Variants in MKNK1 observed in about 807,000 individuals in gnomAD.
MKNK1 encodes MAPK interacting serine/threonine kinase 1, also known as MAP kinase-interacting serine/threonine-protein kinase 1.
MKNK1 carries 30 observed loss-of-function variants against 49.3 expected under a neutral mutation model. The ratio of observed to expected loss-of-function variants is 0.61; its 90% CI spans 0.46 to 0.83. MKNK1 has a LOEUF of 0.83. Ranked by LOEUF, MKNK1 falls within the 40% of genes least tolerant of loss-of-function variation. The probability of loss-of-function intolerance (pLI) is 0.00; values close to 1 mark genes in which losing one functional copy is unlikely to be tolerated. For synonymous variants in MKNK1, 176 were observed against 201.7 expected, an observed-to-expected ratio of 0.87 and a Z score of 1.08; for missense variants, 423 against 524.7, an observed-to-expected ratio of 0.81 and a Z score of 1.89.
At chr1:46,567,892 A>T (rs1669353945) in intron 8 of MKNK1, among the ~76,000 whole-genome samples, 1 of 152,224 alleles carries the variant, frequency 6.6e-6, no homozygotes, top group Admixed American at 6.5e-5. Flanking sequence ...AAGCCAAGGC[A>T]GGTGGACTGC....
Position 46,568,441 on chromosome 1 carries a change from AC to A in MKNK1, c.513+1del, listed in dbSNP as rs765064603. 2.4e-5 allele frequency: 39 copies of A among 1,613,794 alleles called. No individual in the cohort carries two copies. Among genetic ancestry groups the A allele is most frequent in the Admixed American group, 1.0e-4 (6 of 59,992 alleles). On this transcript the variant is annotated splice_donor_variant, in intron 8 of 12. Coordinates refer to ENST00000371945, the MANE Select transcript of MKNK1 (RefSeq NM_001135553.4). LOFTEE classifies it high-confidence loss of function. ...TAACATTCCAAATCAGGCCCAAAGT[AC>A]CTTTTCTGGAGATTCACACAATATA...
chr1:46,580,730 G>A (rs1467219111), intron 3 of MKNK1, 103 bp from the exon 4 acceptor site: 3 of 753,520 alleles, frequency 4.0e-6, no homozygotes, highest in African/African-American at 3.4e-5. Context: ...AGACGACACA[G>A]GCACCCAATG....
intron 12 of MKNK1, 27 bp downstream of exon 12, chr1:46,560,197 AGGAAGAGCAT>A: frequency 6.2e-7 from 1 of 1,611,950 alleles, no homozygotes; most frequent in Non-Finnish European, 8.5e-7. Flanking sequence ...TGAGAGCTTG[AGGAAGAGCAT>A]GGCGTGGGGG....
intron 1 of MKNK1, among the ~76,000 whole-genome samples, chr1:46,597,569 A>G (rs1452288036): frequency 6.6e-6 from 1 of 152,226 alleles, no homozygotes; most frequent in Admixed American, 6.5e-5. Flanking sequence ...CTTAACCTGC[A>G]GTCTCGTCAA....
At chr1:46,582,857 T>C (rs1318694115) in intron 3 of MKNK1, 1 of 476,908 alleles carries the variant, frequency 2.1e-6, no homozygotes. Context: ...TTGGTGTTTC[T>C]CTCTTCCTCT....
intron 9 of MKNK1, 48 bp from the exon 10 acceptor site, chr1:46,562,891 G>C (rs1352412845): frequency 2.0e-6 from 3 of 1,486,518 alleles, no homozygotes; most frequent in Non-Finnish European, 2.7e-6. Flanking sequence ...AGAACAGAGA[G>C]GCTTAGTTAC....
intron 8 of MKNK1, among the ~76,000 whole-genome samples, chr1:46,565,867 C>T (rs1345562578): frequency 2.0e-5 from 3 of 152,172 alleles, no homozygotes; most frequent in Admixed American, 6.5e-5. Flanking sequence ...ATGTCCTTGC[C>T]GGGAAGCCTG....
At chr1:46,586,879 C>T (rs1016226885) in intron 2 of MKNK1, among the ~76,000 whole-genome samples, 10 of 152,212 alleles carry the variant, frequency 6.6e-5, no homozygotes, top group African/African-American at 2.4e-4. Flanking sequence ...TGGAGTGCAG[C>T]TCAGTACAAC....
At chr1:46,600,805 A>C (rs1460232002) in intron 1 of MKNK1, among the ~76,000 whole-genome samples, 1 of 152,280 alleles carries the variant, frequency 6.6e-6, no homozygotes, top group African/African-American at 2.4e-5. Flanking sequence ...TCTGGAACAC[A>C]GCAAGTGTGC....
At chr1:46,586,447 CGAGGGCACT>C (rs140477015) in intron 2 of MKNK1, among the ~76,000 whole-genome samples, 561 of 152,268 alleles carry the variant, frequency 3.7e-3, no homozygotes, top group Admixed American at 6.3e-3. Context: ...AGAAGCTCCA[CGAGGGCACT>C]GATTTTATTT....
At chr1:46,560,996 C>T (rs1021428766) in intron 11 of MKNK1, among the ~76,000 whole-genome samples, 3 of 152,322 alleles carry the variant, frequency 2.0e-5, no homozygotes, top group African/African-American at 7.2e-5. Context: ...CTAGTGAAGA[C>T]ATGAATTCTA....
In MKNK1 at chr1:46,585,700, A is replaced by G. The variant is rs1672458744; in HGVS notation, c.-2-2371T>C. On this transcript the variant is annotated intron_variant, in intron 2 of 12. Transcript: ENST00000371945. Reference sequence around the variant, plus strand: ...GAGGGCTGGAGGCATTATAATTCACAGGGGACACTCAGGCACACGACTCTA... The same window carrying G: ...GAGGGCTGGAGGCATTATAATTCACGGGGGACACTCAGGCACACGACTCTA... 39 of 447,814 alleles carry G rather than the reference A, an allele frequency of 8.7e-5. 1 individual carries two copies. The highest frequency in any genetic ancestry group is 6.5e-4 in the South Asian group (39 of 60,028). The allele number at this position is 447,814 out of a possible 1,614,324, so 27.7% of individuals were successfully genotyped here.
chr1:46,560,271 G>C lies in MKNK1; in HGVS notation c.976C>G (p.Pro326Ala). 6.2e-7 allele frequency: 1 copy of C among 1,614,132 alleles called. No homozygotes were observed. The highest frequency in any genetic ancestry group is 8.5e-7 in the Non-Finnish European group (1 of 1,179,994). ...TGCGGCGTGGGGAGTCCCTTTTCTGGAGCTTGCTAGAATGGGAAGGACAGA... is the reference window on the plus strand; with the variant it reads ...TGCGGCGTGGGGAGTCCCTTTTCTGCAGCTTGCTAGAATGGGAAGGACAGA... ...LQHPWVQGQA[P>A]EKGLPTPQVL... The change falls in exon 12 of 13, where the codon CCA becomes GCA. Residue 326 changes from proline (P) to alanine (A), a missense_variant. Transcript: ENST00000371945.
chr1:46,603,898 C>G (rs1478703371), intron 1 of MKNK1, among the ~76,000 whole-genome samples: 1 of 152,254 alleles, frequency 6.6e-6, no homozygotes, highest in Non-Finnish European at 1.5e-5. Flanking sequence ...GCCCTGCGCC[C>G]AGCCATAGCC....
At chr1:46,602,219 C>T (rs1438499022) in intron 1 of MKNK1, among the ~76,000 whole-genome samples, 1 of 152,228 alleles carries the variant, frequency 6.6e-6, no homozygotes, top group Non-Finnish European at 1.5e-5. Flanking sequence ...TGAATCCAGC[C>T]TGGCCAACAT....
intron 6 of MKNK1, chr1:46,573,858 T>TGAG (rs1670571827): frequency 6.6e-6 from 1 of 152,108 alleles, no homozygotes; most frequent in South Asian, 2.1e-4. Flanking sequence ...CTCAGCCTCC[T>TGAG]GAGTAGCTGG....
intron 10 of MKNK1, among the ~76,000 whole-genome samples, chr1:46,562,281 G>A (rs1668136363): frequency 6.6e-6 from 1 of 150,964 alleles, no homozygotes; most frequent in South Asian, 2.1e-4. Flanking sequence ...TGTAGTCCCA[G>A]CTACTTGGGA....
At position 46,589,676 on chromosome 1, in the gene MKNK1, CAT is replaced by C. The variant is rs1452094821; in HGVS notation, c.-3+4435_-3+4436del. Among the ~76,000 whole-genome samples, 2 of 152,086 alleles carry C rather than the reference CAT, an allele frequency of 1.3e-5. No individual in the cohort carries two copies. Among genetic ancestry groups the C allele is most frequent in the Non-Finnish European group, 2.9e-5 (2 of 68,020 alleles). ...CTGCAGGGGAGATTTACAGAGAACT[CAT>C]AGAGCAGATGAGGAAGGGTTATGGA... On this transcript the variant is annotated intron_variant, in intron 2 of 12. Coordinates refer to ENST00000371945, the MANE Select transcript of MKNK1 (RefSeq NM_001135553.4). This position sits in a 1 kb window ranked among gnomAD's most constrained non-coding sequence, Gnocchi z 4.3.
At chr1:46,587,230 G>C (rs1460798002) in intron 2 of MKNK1, among the ~76,000 whole-genome samples, 1 of 152,206 alleles carries the variant, frequency 6.6e-6, no homozygotes, top group Non-Finnish European at 1.5e-5. Flanking sequence ...AGCTGGTCTG[G>C]AGGCTCCCAG....
Sources: allele counts gnomAD v4.1 joint callset (sites outside exome capture counted in the v4.1 genomes callset), GRCh38; gene constraint gnomAD v4.1.1; non-coding constraint Gnocchi (gnomAD v3.1); transcripts MANE v1.5; gene names NCBI Gene and HGNC (gene_info 2026-07-23, HGNC 2026-07-21).